Variants in PCP4L1 observed in about 807,000 individuals in gnomAD.
The protein encoded by PCP4L1 is Purkinje cell protein 4-like protein 1.
PCP4L1 carries 9 observed loss-of-function variants against 9.6 expected under a neutral mutation model. That is an observed-to-expected ratio of 0.94 (90% CI 0.57 to 1.64). The LOEUF (loss-of-function observed/expected upper bound fraction) is 1.64. Ranked by LOEUF, PCP4L1 falls within the 40% of genes most tolerant of loss-of-function variation. The pLI, the probability that PCP4L1 is intolerant of heterozygous loss-of-function variation, is 0.00. For missense variants in PCP4L1, 81 were observed against 80.8 expected (o/e 1.00, Z -0.01); for synonymous variants, 31 against 28.2 (o/e 1.10, Z -0.31).
chr1:161,284,160 C>T (rs982646626), intron 2 of PCP4L1, among the ~76,000 whole-genome samples, 179 bp from the exon 3 acceptor site: 4 of 152,160 alleles, frequency 2.6e-5, no homozygotes, highest in African/African-American at 4.8e-5. Flanking sequence ...TAATTCCCAG[C>T]CTAAGTACCT....
intron 1 of PCP4L1, among the ~76,000 whole-genome samples, chr1:161,278,316 AG>A (rs1190232994): frequency 6.6e-6 from 1 of 152,116 alleles, no homozygotes; most frequent in Non-Finnish European, 1.5e-5. Flanking sequence ...CTACCACCCT[AG>A]TCCAGGCCCC....
intron 1 of PCP4L1, among the ~76,000 whole-genome samples, chr1:161,269,035 A>G (rs1284180535): frequency 6.6e-6 from 1 of 151,046 alleles, no homozygotes; most frequent in Non-Finnish European, 1.5e-5. Flanking sequence ...TGCTGCTCCC[A>G]GGAATTTGAA....
At chr1:161,281,961 C>T (rs867376279) in intron 1 of PCP4L1, among the ~76,000 whole-genome samples, 2 of 151,818 alleles carry the variant, frequency 1.3e-5, no homozygotes, top group African/African-American at 2.4e-5. Flanking sequence ...CAGGCAGAGA[C>T]GCTCCTCACT....
chr1:161,263,238 T>C, intron 1 of PCP4L1, among the ~76,000 whole-genome samples: 1 of 127,650 alleles, frequency 7.8e-6, no homozygotes, highest in East Asian at 3.5e-4. Context: ...TTTGTTTTTG[T>C]TTTTGTTTTT....
At chr1:161,278,259 AC>A (rs2102239577) in intron 1 of PCP4L1, among the ~76,000 whole-genome samples, 1 of 152,250 alleles carries the variant, frequency 6.6e-6, no homozygotes, top group East Asian at 1.9e-4. Flanking sequence ...AGCTTATTTT[AC>A]CATGAAACTT....
chr1:161,276,534 T>G, intron 1 of PCP4L1, among the ~76,000 whole-genome samples: 1 of 151,846 alleles, frequency 6.6e-6, no homozygotes, highest in Non-Finnish European at 1.5e-5. Context: ...AATACAAAAA[T>G]TACCCAGGTA....
At chr1:161,270,203 A>T (rs1392859518) in intron 1 of PCP4L1, among the ~76,000 whole-genome samples, 2 of 150,020 alleles carry the variant, frequency 1.3e-5, no homozygotes, top group East Asian at 4.0e-4. Flanking sequence ...AGGCTGAGGC[A>T]GGAGAATTGC....
In PCP4L1 at chr1:161,283,824, A is replaced by T. The variant is rs551145535; in HGVS notation, c.64+102A>T. The T allele has an allele frequency of 2.7e-4, 322 of 1,200,396 alleles. 6 individuals carry two copies. The South Asian group carries it at 4.2e-3, about 16-fold the overall frequency. The allele number at this position is 1,200,396 out of a possible 1,614,324, so 74.4% of individuals were successfully genotyped here. A position where few individuals can be genotyped will look rare whatever the true frequency, so the allele number is the denominator to read the frequency against. ...TTTCCTAAAGTCAGACATGAAAGGA[A>T]TAAGAATGTGGATAAGTGAAACAAA... is the stretch of plus-strand genomic sequence containing the variant. On this transcript the variant is annotated intron_variant, in intron 2 of 2. Coordinates refer to ENST00000504449, the MANE Select transcript of PCP4L1 (RefSeq NM_001102566.2).
At chr1:161,262,678 T>C (rs941896508) in intron 1 of PCP4L1, among the ~76,000 whole-genome samples, 1 of 152,182 alleles carries the variant, frequency 6.6e-6, no homozygotes, top group African/African-American at 2.4e-5. Context: ...ATGTCATCTT[T>C]ATAGGGTCAG....
intron 1 of PCP4L1, among the ~76,000 whole-genome samples, chr1:161,277,588 A>C (rs1207292321): frequency 6.6e-6 from 1 of 152,188 alleles, no homozygotes; most frequent in Non-Finnish European, 1.5e-5. Flanking sequence ...GGAAGATAGG[A>C]AGAGTATCTT....
chr1:161,276,625 G>A (rs1669701743), intron 1 of PCP4L1, among the ~76,000 whole-genome samples: 1 of 151,420 alleles, frequency 6.6e-6, no homozygotes, highest in African/African-American at 2.4e-5. Flanking sequence ...AGGCTGCAGT[G>A]AGACATGATT....
chr1:161,281,337 G>A (rs527648653), intron 1 of PCP4L1, among the ~76,000 whole-genome samples: 2,717 of 152,216 alleles, frequency 0.018, 81 homozygotes, highest in African/African-American at 0.062. Flanking sequence ...ATCATGGCCC[G>A]TTCTCAATGA....
intron 1 of PCP4L1, among the ~76,000 whole-genome samples, chr1:161,278,944 G>C (rs1213820204): frequency 6.6e-6 from 1 of 152,088 alleles, no homozygotes; most frequent in Non-Finnish European, 1.5e-5. Flanking sequence ...CACCATGCTT[G>C]ATTAATTTTT....
At chr1:161,272,360 CA>C (rs946572485) in intron 1 of PCP4L1, among the ~76,000 whole-genome samples, 1 of 151,670 alleles carries the variant, frequency 6.6e-6, no homozygotes, top group East Asian at 1.9e-4. Context: ...GAGTTCGAGA[CA>C]AGCCTGGCCA....
At chr1:161,276,224 CAG>C (rs1460958532) in intron 1 of PCP4L1, among the ~76,000 whole-genome samples, 1 of 152,028 alleles carries the variant, frequency 6.6e-6, no homozygotes, top group African/African-American at 2.4e-5. Flanking sequence ...CATTTGACCA[CAG>C]GGGGATTATG....
intron 1 of PCP4L1, among the ~76,000 whole-genome samples, chr1:161,282,469 A>T (rs1276566902): frequency 6.6e-6 from 1 of 151,788 alleles, no homozygotes. Flanking sequence ...AATCACTGGG[A>T]TACCTCAGGA....
chr1:161,283,698 C>A lies in PCP4L1; in HGVS notation c.40C>A (p.Gln14Lys), dbSNP rs1451865572. The change falls in exon 2 of 3, where the codon CAG becomes AAG. Residue 14 changes from glutamine (Q) to lysine (K), a missense_variant. By Grantham distance (53) the Gln-to-Lys change is moderately conservative (BLOSUM62 1). Coordinates refer to ENST00000504449, the MANE Select transcript of PCP4L1 (RefSeq NM_001102566.2). ...TACCAAAACATCCCCAGCAACCAAC[C>A]AGGCAGCTGGCCAAGAGGAAAAAGG... ...LNTKTSPATN[Q>K]AAGQEEKGKA... 8 of 1,606,208 alleles carry A rather than the reference C, an allele frequency of 5.0e-6. No homozygotes were observed. The highest frequency in any genetic ancestry group is 1.7e-5 in the Admixed American group (1 of 58,884).
chr1:161,268,037 G>GAATA (rs1293549186), intron 1 of PCP4L1, among the ~76,000 whole-genome samples: 2 of 152,106 alleles, frequency 1.3e-5, no homozygotes, highest in Non-Finnish European at 2.9e-5. Flanking sequence ...GTGAGGCAAG[G>GAATA]AATAGACTTA....
At chr1:161,281,755 C>T (rs1247366475) in intron 1 of PCP4L1, among the ~76,000 whole-genome samples, 2 of 113,638 alleles carry the variant, frequency 1.8e-5, no homozygotes, top group Non-Finnish European at 3.5e-5. Context: ...GACGGGGTCA[C>T]GGCCGGGCAG....
Sources: gnomAD v4.1 joint callset for allele counts (sites outside exome capture counted in the v4.1 genomes callset) on GRCh38, gnomAD v4.1.1 for gene constraint, MANE v1.5 for transcripts, NCBI Gene and HGNC (gene_info 2026-07-23, HGNC 2026-07-21) for gene names.